The following ADGRL2 variants were observed in gnomAD, a reference collection of about 807,000 sequenced individuals.
ADGRL2 encodes the protein adhesion G protein-coupled receptor L2, also known as calcium-independent alpha-latrotoxin receptor 2.
A neutral mutation model predicts 157.4 loss-of-function variants in ADGRL2; 44 were observed. The ratio of observed to expected loss-of-function variants is 0.28; its 90% CI spans 0.22 to 0.36. The LOEUF is 0.36. ADGRL2 is among the 10% of genes least tolerant of loss of function. ADGRL2 has a pLI of 1.00. For missense variants in ADGRL2, 1,510 were observed against 1,768.9 expected (o/e 0.85, Z 2.63); for synonymous variants, 585 against 624.7 (o/e 0.94, Z 0.95).
chr1:81,822,361 C>T (rs1207114659), intron 1 of ADGRL2, among the ~76,000 whole-genome samples: 1 of 151,108 alleles, frequency 6.6e-6, no homozygotes, highest in Admixed American at 6.6e-5. Context: ...AGAAGTTGTG[C>T]AAGAAAAAAA....
chr1:81,606,061 C>T (rs1446350994), intron 3 of ADGRL2, among the ~76,000 whole-genome samples: 2 of 152,124 alleles, frequency 1.3e-5, no homozygotes, highest in Admixed American at 6.5e-5. Context: ...TTAACTCCCC[C>T]CATTCAATTT....
At chr1:81,553,660 T>G (rs150657811) in intron 2 of ADGRL2, among the ~76,000 whole-genome samples, 2 of 152,182 alleles carry the variant, frequency 1.3e-5, no homozygotes, top group African/African-American at 4.8e-5. Flanking sequence ...AAAAAGACCA[T>G]AATGACACAG....
intron 2 of ADGRL2, among the ~76,000 whole-genome samples, chr1:81,879,098 T>C (rs1039138493): frequency 1.3e-5 from 2 of 152,172 alleles, no homozygotes; most frequent in African/African-American, 4.8e-5. Flanking sequence ...GATCTGTAAC[T>C]CTGATAAAAA....
At chr1:81,464,472 TAA>T (rs1221901189) in intron 2 of ADGRL2, among the ~76,000 whole-genome samples, 1 of 152,168 alleles carries the variant, frequency 6.6e-6, no homozygotes, top group African/African-American at 2.4e-5. Flanking sequence ...CATGAATAAT[TAA>T]AACTCTGTTA....
chr1:81,740,517 T>C (rs2085039763), intron 1 of ADGRL2, among the ~76,000 whole-genome samples: 1 of 152,248 alleles, frequency 6.6e-6, no homozygotes, highest in Non-Finnish European at 1.5e-5. Context: ...AAAGCTTCAA[T>C]GCTTTTTGGC....
At chr1:81,803,963 G>A (rs2149523122) in intron 1 of ADGRL2, among the ~76,000 whole-genome samples, 1 of 152,258 alleles carries the variant, frequency 6.6e-6, no homozygotes, top group Non-Finnish European at 1.5e-5. Flanking sequence ...ATAATTACCT[G>A]TTAGGTTGTC....
At chr1:81,477,613 A>G (rs1287687377) in intron 2 of ADGRL2, among the ~76,000 whole-genome samples, 1 of 152,228 alleles carries the variant, frequency 6.6e-6, no homozygotes, top group Non-Finnish European at 1.5e-5. Flanking sequence ...GCACTCCTGC[A>G]GTTTGTAGGA....
At chr1:81,890,930 T>C (rs1430333970) in intron 2 of ADGRL2, among the ~76,000 whole-genome samples, 1 of 152,140 alleles carries the variant, frequency 6.6e-6, no homozygotes, top group East Asian at 1.9e-4. Context: ...TTTGTTCATC[T>C]ACTCACCTTA....
At chr1:81,641,229 T>C (rs569356709) in intron 3 of ADGRL2, among the ~76,000 whole-genome samples, 1 of 152,200 alleles carries the variant, frequency 6.6e-6, no homozygotes, top group Non-Finnish European at 1.5e-5. Context: ...TTGAAGACTT[T>C]AACACCCCTG....
chr1:81,630,140 G>C (rs1049903605), intron 3 of ADGRL2, among the ~76,000 whole-genome samples: 2 of 151,974 alleles, frequency 1.3e-5, no homozygotes, highest in African/African-American at 4.8e-5. Flanking sequence ...AGCTGAGATA[G>C]GCATTTTAGT....
At chr1:81,602,514 C>T (rs1387185893) in intron 3 of ADGRL2, among the ~76,000 whole-genome samples, 1 of 152,080 alleles carries the variant, frequency 6.6e-6, no homozygotes, top group East Asian at 1.9e-4. Flanking sequence ...ATTGCTTGAA[C>T]CCGGGAAGCA....
intron 2 of ADGRL2, among the ~76,000 whole-genome samples, chr1:81,862,309 G>T (rs899077422): frequency 2.2e-4 from 33 of 151,992 alleles, no homozygotes; most frequent in Non-Finnish European, 4.1e-4. Context: ...CCCAGAAAAA[G>T]AAATTAAAAA....
chr1:81,605,373 C>G (rs2081412413), intron 3 of ADGRL2, among the ~76,000 whole-genome samples: 1 of 152,200 alleles, frequency 6.6e-6, no homozygotes, highest in Non-Finnish European at 1.5e-5. Context: ...GGCCCCCAAA[C>G]AAGACAGTTA....
chr1:81,318,160 C>T (rs955075901), intron 1 of ADGRL2, among the ~76,000 whole-genome samples: 3 of 152,076 alleles, frequency 2.0e-5, no homozygotes, highest in African/African-American at 7.2e-5. Context: ...TTCCTGATTT[C>T]TGTATTTTAT....
intron 1 of ADGRL2, among the ~76,000 whole-genome samples, chr1:81,806,379 A>C (rs2089153065): frequency 6.6e-6 from 1 of 152,078 alleles, no homozygotes; most frequent in African/African-American, 2.4e-5. Flanking sequence ...AAACATTAAC[A>C]CCAGGCTTCT....
intron 3 of ADGRL2, among the ~76,000 whole-genome samples, chr1:81,911,932 G>C (rs1451259647): frequency 6.7e-6 from 1 of 150,030 alleles, no homozygotes; most frequent in African/African-American, 2.5e-5. Flanking sequence ...GGAAAGTAAG[G>C]TTATGGCCTA....
chr1:81,895,930 T>C (rs183169398), intron 2 of ADGRL2, among the ~76,000 whole-genome samples: 1 of 152,306 alleles, frequency 6.6e-6, no homozygotes, highest in African/African-American at 2.4e-5. Flanking sequence ...CCTAGCAATG[T>C]TGGAGTGACT....
intron 1 of ADGRL2, among the ~76,000 whole-genome samples, chr1:81,367,560 CT>C (rs890865547): frequency 1.3e-5 from 2 of 151,948 alleles, no homozygotes; most frequent in Admixed American, 6.6e-5. Context: ...TTGTTTCTTT[CT>C]TTTTTTTCTT....
At chr1:81,944,703 G>T (rs181580701) in intron 6 of ADGRL2, among the ~76,000 whole-genome samples, 215 of 151,894 alleles carry the variant, frequency 1.4e-3, no homozygotes, top group Non-Finnish European at 2.2e-3. Flanking sequence ...AAAATTTTAG[G>T]AACTAGAAAG....
Sources: allele counts gnomAD v4.1 joint callset (sites outside exome capture counted in the v4.1 genomes callset), GRCh38; gene constraint gnomAD v4.1.1; transcripts MANE v1.5; gene names NCBI Gene and HGNC (gene_info 2026-07-23, HGNC 2026-07-21).